DECR2: variants seen among roughly 807,000 people sequenced by gnomAD.
The protein encoded by DECR2 is 2,4-dienoyl-CoA reductase 2, also known as peroxisomal 2,4-dienoyl-CoA reductase [(3E)-enoyl-CoA-producing].
A neutral mutation model predicts 29.2 loss-of-function variants in DECR2; 34 were observed. The observed-to-expected ratio is 1.16, with a 90% CI of 0.89 to 1.55. The LOEUF (loss-of-function observed/expected upper bound fraction) is 1.55. Ranked by LOEUF, DECR2 falls within the 40% of genes most tolerant of loss-of-function variation. The pLI is 0.00. For missense variants in DECR2, 485 were observed against 425.3 expected (o/e 1.14, Z -1.23); for synonymous variants, 224 against 182.7 (o/e 1.23, Z -1.82).
intron 1 of DECR2, among the ~76,000 whole-genome samples, chr16:404,578 G>A (rs991169595): frequency 3.9e-5 from 6 of 151,970 alleles, no homozygotes; most frequent in Admixed American, 1.3e-4. Context: ...AGCAATATGG[G>A]AGGTGTATTT....
intron 2 of DECR2, among the ~76,000 whole-genome samples, chr16:405,998 C>T (rs1353737834): frequency 1.3e-5 from 2 of 152,210 alleles, no homozygotes; most frequent in East Asian, 3.9e-4. Flanking sequence ...AACAGTCCTC[C>T]ACGCCAGCCC....
rs758485249 is a variant in DECR2, at chr16:401,900, C to T, written c.-64C>T. 1.7e-5 allele frequency: 24 copies of T among 1,380,232 alleles called. No individual in the cohort carries two copies. The South Asian group carries it at 3.5e-4, about 20-fold the overall frequency. The allele number at this position is 1,380,232 out of a possible 1,614,324, so 85.5% of individuals were successfully genotyped here. ...GGTTCCAGGCGAGTTCGCAGCTGCG[C>T]GCCGGGTCCTGGAGGCCGAGGCCGC... is the stretch of plus-strand genomic sequence containing the variant. On this transcript the variant is annotated 5_prime_UTR_variant, in exon 1 of 9. Transcript: ENST00000219481.
In DECR2 at chr16:411,550, A is replaced by C; in HGVS notation, c.851A>C (p.Asp284Ala). 1 of 1,613,662 alleles carries C rather than the reference A, an allele frequency of 6.2e-7. No homozygotes were observed. The change falls in exon 8 of 9, where the codon GAT becomes GCT. Residue 284 changes from aspartate to alanine, a missense_variant. Transcript: ENST00000219481. The part of the protein sequence containing the change: ...TFPNGVKGLP[D>A]FASFSAKL ...CCAAACGGTGTCAAAGGGCTGCCGG[A>C]TTTCGCATCCTTCTCTGCTAAGCTC...
chr16:407,187 G>T, intron 3 of DECR2: 1 of 1,345,316 alleles, frequency 7.4e-7, no homozygotes. Flanking sequence ...GTGGCCTGGA[G>T]GGCGACGCAG....
At position 410,222 on chromosome 16, in the gene DECR2, C is replaced by T; in HGVS notation, c.338-21C>T. The T allele has an allele frequency of 6.2e-7, 1 of 1,610,082 alleles. No individual in the cohort carries two copies. Among genetic ancestry groups the T allele is most frequent in the Non-Finnish European group, 8.5e-7 (1 of 1,178,208 alleles). ...CCCTCTCCCCAGGCTCCAGCAGCTCCTGCGGTCTCCCATTCTGCAGGTGCG... is the reference window on the plus strand; with the variant it reads ...CCCTCTCCCCAGGCTCCAGCAGCTCTTGCGGTCTCCCATTCTGCAGGTGCG... On this transcript the variant is annotated intron_variant, in intron 4 of 8. Coordinates refer to ENST00000219481, the MANE Select transcript of DECR2 (RefSeq NM_020664.4). This position sits in a 1 kb window ranked among gnomAD's most constrained non-coding sequence, Gnocchi z 4.1.
chr16:402,329 T>C (rs897758890), intron 1 of DECR2, among the ~76,000 whole-genome samples: 3 of 151,966 alleles, frequency 2.0e-5, no homozygotes, highest in African/African-American at 7.2e-5. Context: ...AGAGGGGGTG[T>C]CACCGTGTTG....
Position 407,512 on chromosome 16 carries a change from G to A in DECR2, c.289G>A (p.Val97Met), listed in dbSNP as rs771945938. The A allele has an allele frequency of 3.2e-5, 51 of 1,613,916 alleles. No homozygotes were observed. In the East Asian group the frequency reaches 5.3e-4, roughly 17 times the overall value. The change falls in exon 4 of 9, where the codon GTG becomes ATG. Residue 97 changes from valine (V) to methionine (M), a missense_variant. By Grantham distance (21) the Val-to-Met change is conservative. Transcript: ENST00000219481. ...AGCGCCCCCAGCTGTCATGGCCGCC[G>A]TGGACCAGGCTCTGAAGGAGTTTGG... is the stretch of plus-strand genomic sequence containing the variant. The part of the protein sequence containing the change: ...VRAPPAVMAA[V>M]DQALKEFGRI...
At chr16:402,476 C>A (rs1015102571) in intron 1 of DECR2, among the ~76,000 whole-genome samples, 2 of 151,984 alleles carry the variant, frequency 1.3e-5, no homozygotes, top group African/African-American at 2.4e-5. Context: ...AGGTTGAAAT[C>A]ATTTTTCCGG....
rs545179100 is a variant in DECR2, at chr16:410,071, C to G, written c.338-172C>G. On this transcript the variant is annotated intron_variant, in intron 4 of 8. Transcript: ENST00000219481. The surrounding 1 kb of genome is among the most constrained non-coding windows in gnomAD (Gnocchi z 4.1). Reference sequence around the variant, plus strand: ...TCTCGGGGACACAGTGCAGCCAGGACGCCCGTCTTGCTCTGGTCATTTTGG... The same window carrying G: ...TCTCGGGGACACAGTGCAGCCAGGAGGCCCGTCTTGCTCTGGTCATTTTGG... 7 of 892,906 alleles carry G rather than the reference C, an allele frequency of 7.8e-6. No homozygotes were observed. The highest frequency in any genetic ancestry group is 1.2e-5 in the Non-Finnish European group (7 of 607,454). 55.3% of individuals were successfully genotyped at this position (892,906 alleles called of 1,614,324 possible).
chr16:405,546 C>T, intron 2 of DECR2: 2 of 1,304,732 alleles, frequency 1.5e-6, no homozygotes, highest in Non-Finnish European at 2.0e-6. Context: ...ATTGCAGCTC[C>T]AGTGGGACCT....
chr16:409,984 C>A lies in DECR2; in HGVS notation c.338-259C>A. 5.7e-6 allele frequency: 3 copies of A among 522,520 alleles called. No individual in the cohort carries two copies. In the East Asian group the frequency reaches 9.2e-5, roughly 16 times the overall value. The allele number at this position is 522,520 out of a possible 1,614,324, so 32.4% of individuals were successfully genotyped here. On this transcript the variant is annotated intron_variant, in intron 4 of 8. Transcript: ENST00000219481. ...GTAATTCGATTATCTCTGCAACCCA[C>A]CCCATTTCCAAACAAGGCCACAGTC...
chr16:406,451 G>T, intron 3 of DECR2, 54 bp downstream of exon 3: 1 of 1,586,510 alleles, frequency 6.3e-7, no homozygotes. Flanking sequence ...GGGGGCTGGG[G>T]CTGGGCCTGG....
chr16:408,297 G>T (rs2054767490), intron 4 of DECR2, among the ~76,000 whole-genome samples: 1 of 150,286 alleles, frequency 6.7e-6, no homozygotes, highest in Non-Finnish European at 1.5e-5. Context: ...CCGGCCCCCT[G>T]TCTCCGGGCT....
rs1286837689 is a variant in DECR2 at position 410,484 on chromosome 16, T to C, written c.462+117T>C. 2.7e-6 allele frequency: 4 copies of C among 1,466,724 alleles called. No homozygotes were observed. Among genetic ancestry groups the C allele is most frequent in the East Asian group, 2.6e-5 (1 of 38,452 alleles). 90.9% of individuals were successfully genotyped at this position (1,466,724 alleles called of 1,614,324 possible). On this transcript the variant is annotated intron_variant, in intron 5 of 8. Transcript: ENST00000219481. The surrounding 1 kb of genome is among the most constrained non-coding windows in gnomAD (Gnocchi z 4.1). Reference sequence around the variant, plus strand: ...TCTGTGAGAAGTTCTTCCGGGTGGGTGTACTCCCAGCGGGGGCCTCCCCCT... The same window carrying C: ...TCTGTGAGAAGTTCTTCCGGGTGGGCGTACTCCCAGCGGGGGCCTCCCCCT...
intron 1 of DECR2, among the ~76,000 whole-genome samples, chr16:404,061 T>G (rs1001358969): frequency 1.3e-5 from 2 of 151,762 alleles, no homozygotes; most frequent in Non-Finnish European, 2.9e-5. Flanking sequence ...TAGTCCCAGC[T>G]ACTCTGGAGG....
In DECR2 at chr16:411,385, C is replaced by G. The variant is rs1487258439; in HGVS notation, c.686C>G (p.Thr229Ser). Reference sequence around the variant, plus strand: ...GGTGGCCCTCAGGCCAGCCTGAGCACCAAGGTCACTGCCAGCCCGCTGCAG... The same window carrying G: ...GGTGGCCCTCAGGCCAGCCTGAGCAGCAAGGTCACTGCCAGCCCGCTGCAG... ...RLGGPQASLSTKVTASPLQRL... is the reference protein window; with the variant it reads ...RLGGPQASLSSKVTASPLQRL... Residue 229 changes from threonine (T) to serine (S), a missense_variant, in exon 8 of 9, where the codon ACC becomes AGC. Transcript: ENST00000219481. 6.2e-7 allele frequency: 1 copy of G among 1,610,498 alleles called. No homozygotes were observed. The highest frequency in any genetic ancestry group is 8.5e-7 in the Non-Finnish European group (1 of 1,179,734).
intron 3 of DECR2, 148 bp downstream of exon 3, chr16:406,545 T>C: frequency 1.3e-6 from 1 of 759,392 alleles, no homozygotes. Context: ...TCACCCAGGC[T>C]GAAGTGTGGT....
chr16:402,611 C>T (rs534599442), intron 1 of DECR2, among the ~76,000 whole-genome samples: 6 of 152,052 alleles, frequency 3.9e-5, no homozygotes, highest in Non-Finnish European at 8.8e-5. Context: ...CACCTGCCCT[C>T]ACTCGGCTAA....
Position 410,836 on chromosome 16 carries a change from C to A in DECR2, c.556+52C>A. On this transcript the variant is annotated intron_variant, in intron 6 of 8. Coordinates refer to ENST00000219481, the MANE Select transcript of DECR2 (RefSeq NM_020664.4). This position sits in a 1 kb window ranked among gnomAD's most constrained non-coding sequence, Gnocchi z 4.1. ...TTGCCCACGTGGGTCCCCAATGGGC[C>A]GTCTGCTTCCATCCCAGGAGGCCAG... 6.5e-7 allele frequency: 1 copy of A among 1,529,840 alleles called. No homozygotes were observed. The highest frequency in any genetic ancestry group is 8.9e-7 in the Non-Finnish European group (1 of 1,129,518). The allele number at this position is 1,529,840 out of a possible 1,614,324, so 94.8% of individuals were successfully genotyped here.
Sources: gnomAD v4.1 joint callset for allele counts (sites outside exome capture counted in the v4.1 genomes callset) on GRCh38, gnomAD v4.1.1 for gene constraint, Gnocchi (gnomAD v3.1) non-coding constraint, MANE v1.5 for transcripts, NCBI Gene and HGNC (gene_info 2026-07-23, HGNC 2026-07-21) for gene names.